VPS54: variants seen among roughly 807,000 people sequenced by gnomAD.
The protein encoded by VPS54 is VPS54 subunit of GARP complex, also known as vacuolar protein sorting-associated protein 54.
Under a neutral mutation model 121.5 loss-of-function variants are expected in VPS54, and 45 were observed. That is an observed-to-expected ratio of 0.37 (90% CI 0.29 to 0.47). The LOEUF is 0.47. VPS54 is among the 20% of genes least tolerant of loss of function. The pLI, the probability that VPS54 is intolerant of heterozygous loss-of-function variation, is 0.99. For missense variants in VPS54, 1,090 were observed against 1,131.4 expected (o/e 0.96, Z 0.52); for synonymous variants, 371 against 385.8 (o/e 0.96, Z 0.45).
intron 8 of VPS54, among the ~76,000 whole-genome samples, chr2:63,947,972 G>A (rs995645287): frequency 1.3e-5 from 2 of 152,038 alleles, no homozygotes; most frequent in Non-Finnish European, 2.9e-5. Flanking sequence ...GAGTAGCTGG[G>A]ACTAGAGGCA....
intron 7 of VPS54, among the ~76,000 whole-genome samples, chr2:63,951,870 C>T (rs1053138270): frequency 6.6e-6 from 1 of 152,040 alleles, no homozygotes; most frequent in African/African-American, 2.4e-5. Flanking sequence ...CAAAGGTGTA[C>T]CTTTAGCCTC....
intron 22 of VPS54, among the ~76,000 whole-genome samples, chr2:63,897,281 C>T (rs1397395481): frequency 6.6e-6 from 1 of 151,398 alleles, no homozygotes; most frequent in Non-Finnish European, 1.5e-5. Flanking sequence ...AGATACATAA[C>T]GTCAGGTAAG....
intron 20 of VPS54, 93 bp downstream of exon 20, chr2:63,912,252 A>T (rs1377799903): frequency 8.7e-7 from 1 of 1,144,732 alleles, no homozygotes; most frequent in Non-Finnish European, 1.2e-6. Context: ...AGTTTAGATT[A>T]TCTTTTCACA....
At chr2:64,000,753 A>C (rs1005377269) in intron 1 of VPS54, among the ~76,000 whole-genome samples, 1 of 152,164 alleles carries the variant, frequency 6.6e-6, no homozygotes, top group Admixed American at 6.5e-5. Context: ...CTTTCTGCTG[A>C]GCTGCATGGG....
In VPS54 at chr2:63,919,968, C is replaced by T. The variant is rs1226254917; in HGVS notation, c.2079G>A (p.Lys693=). Residue 693 remains lysine, a synonymous_variant, in exon 15 of 23, where the codon AAG becomes AAA. Transcript: ENST00000272322. Reference sequence around the variant, plus strand: ...GAAATTCTGCAGGAACATCTGCTTGCTTCCAGCGCTCATTGTCTAAGAGGA... The same window carrying T: ...GAAATTCTGCAGGAACATCTGCTTGTTTCCAGCGCTCATTGTCTAAGAGGA... ...LSLLLDNERW[K]QADVPAEFQD... The T allele has an allele frequency of 1.6e-5, 26 of 1,611,836 alleles. No individual in the cohort carries two copies. Among genetic ancestry groups the T allele is most frequent in the Non-Finnish European group, 2.1e-5 (25 of 1,178,614 alleles).
intron 20 of VPS54, among the ~76,000 whole-genome samples, chr2:63,910,281 T>C (rs1263657497): frequency 1.3e-5 from 2 of 152,136 alleles, no homozygotes; most frequent in Non-Finnish European, 2.9e-5. Flanking sequence ...GGAAAAGTCA[T>C]CAATGGAGAA....
At chr2:63,949,568 T>C (rs1263774765) in intron 7 of VPS54, among the ~76,000 whole-genome samples, 2 of 152,168 alleles carry the variant, frequency 1.3e-5, no homozygotes, top group East Asian at 1.9e-4. Context: ...AGAGAAAATA[T>C]GGTACTAAGA....
chr2:63,907,518 C>CAA (rs113824223), intron 20 of VPS54, among the ~76,000 whole-genome samples: 3 of 89,506 alleles, frequency 3.4e-5, no homozygotes, highest in African/African-American at 1.4e-4. Flanking sequence ...AACTCCATCT[C>CAA]AAAAAAAAAA....
intron 21 of VPS54, among the ~76,000 whole-genome samples, chr2:63,898,374 C>T (rs970850877): frequency 3.9e-5 from 6 of 152,264 alleles, no homozygotes; most frequent in African/African-American, 9.6e-5. Flanking sequence ...AAAAAGGAGA[C>T]GACCCTAGTG....
intron 1 of VPS54, among the ~76,000 whole-genome samples, 191 bp downstream of exon 1, chr2:64,018,747 G>GAAA (rs35913134): frequency 1.9e-4 from 22 of 116,518 alleles, no homozygotes; most frequent in African/African-American, 6.4e-4. Context: ...GAGTGAAAAG[G>GAAA]AAAAAAAAAA....
intron 20 of VPS54, among the ~76,000 whole-genome samples, chr2:63,911,466 A>G (rs561841877): frequency 1.3e-5 from 2 of 152,192 alleles, no homozygotes; most frequent in African/African-American, 2.4e-5. Context: ...CGCTTTCATA[A>G]TAATATTATT....
At chr2:63,925,530 G>A (rs1673857134) in intron 12 of VPS54, among the ~76,000 whole-genome samples, 1 of 152,196 alleles carries the variant, frequency 6.6e-6, no homozygotes, top group South Asian at 2.1e-4. Context: ...AGCAATGCTT[G>A]TAACATGTGC....
intron 16 of VPS54, among the ~76,000 whole-genome samples, chr2:63,915,228 C>A (rs569479938): frequency 6.7e-6 from 1 of 148,888 alleles, no homozygotes; most frequent in Non-Finnish European, 1.5e-5. Flanking sequence ...ACAAATCACA[C>A]GTTAAAAAGA....
intron 20 of VPS54, among the ~76,000 whole-genome samples, chr2:63,902,075 A>G (rs1672700648): frequency 6.6e-6 from 1 of 152,154 alleles, no homozygotes; most frequent in African/African-American, 2.4e-5. Context: ...AAACACCTGA[A>G]GCCCAGGATC....
In VPS54 at chr2:63,972,374, C is replaced by T. The variant is rs1676328285; in HGVS notation, c.379-130G>A. ...CGACTTTTAATATGAAATCACTAGCCTCCTGAACTTAAATACAAGTAACAA... is the reference window on the plus strand; with the variant it reads ...CGACTTTTAATATGAAATCACTAGCTTCCTGAACTTAAATACAAGTAACAA... On this transcript the variant is annotated intron_variant, in intron 3 of 22. Coordinates refer to ENST00000272322, the MANE Select transcript of VPS54 (RefSeq NM_016516.3). 1.8e-5 allele frequency: 10 copies of T among 554,408 alleles called. No homozygotes were observed. The South Asian group carries it at 2.5e-4, about 14-fold the overall frequency. The allele number at this position is 554,408 out of a possible 1,614,324, so 34.3% of individuals were successfully genotyped here. A position where few individuals can be genotyped will look rare whatever the true frequency, so the allele number is the denominator to read the frequency against.
intron 1 of VPS54, among the ~76,000 whole-genome samples, chr2:64,014,600 G>A (rs572466154): frequency 9.2e-6 from 1 of 108,296 alleles, no homozygotes; most frequent in East Asian, 2.2e-4. Flanking sequence ...TAGAGAGGCT[G>A]TCAGCCATCA....
chr2:64,004,915 A>G (rs1678053041), intron 1 of VPS54, among the ~76,000 whole-genome samples: 1 of 151,792 alleles, frequency 6.6e-6, no homozygotes, highest in South Asian at 2.1e-4. Flanking sequence ...AGTAGCTGGG[A>G]CCACAGGTGC....
At chr2:64,013,499 G>A (rs542967794) in intron 1 of VPS54, among the ~76,000 whole-genome samples, 1 of 150,882 alleles carries the variant, frequency 6.6e-6, no homozygotes, top group Admixed American at 6.6e-5. Flanking sequence ...CAAATGGGAA[G>A]ATTTAAGTAT....
At chr2:63,970,506 T>C (rs1676233736) in intron 4 of VPS54, among the ~76,000 whole-genome samples, 1 of 151,886 alleles carries the variant, frequency 6.6e-6, no homozygotes, top group East Asian at 1.9e-4. Flanking sequence ...TACATTTCTT[T>C]CTCTTGTACT....
Sources: allele counts gnomAD v4.1 joint callset (sites outside exome capture counted in the v4.1 genomes callset), GRCh38; gene constraint gnomAD v4.1.1; transcripts MANE v1.5; gene names NCBI Gene and HGNC (gene_info 2026-07-23, HGNC 2026-07-21).